Variants in CFAP299 observed in about 807,000 individuals in gnomAD.
CFAP299 encodes the protein cilia and flagella associated protein 299.
CFAP299 carries 21 observed loss-of-function variants against 27.0 expected under a neutral mutation model. The observed-to-expected ratio is 0.78, with a 90% CI of 0.55 to 1.12. CFAP299 has a LOEUF of 1.12. Ranked by LOEUF, CFAP299 falls within the 50% of genes most tolerant of loss-of-function variation. CFAP299 has a pLI of 0.00. For synonymous variants in CFAP299, 104 were observed against 98.1 expected (o/e 1.06, Z -0.36); for missense variants, 310 against 276.6 (o/e 1.12, Z -0.86).
chr4:80,698,674 T>G (rs750511048), intron 3 of CFAP299, among the ~76,000 whole-genome samples: 9 of 152,224 alleles, frequency 5.9e-5, no homozygotes, highest in African/African-American at 1.2e-4. Context: ...GAAAGAAGTT[T>G]AATTGACTCA....
chr4:80,411,183 CATGGAG>C (rs1209761973), intron 2 of CFAP299, among the ~76,000 whole-genome samples: 2 of 152,076 alleles, frequency 1.3e-5, no homozygotes. Flanking sequence ...TCAAATAAGC[CATGGAG>C]TTTGAGCATC....
At chr4:80,397,802 C>G (rs1366127487) in intron 2 of CFAP299, among the ~76,000 whole-genome samples, 1 of 152,164 alleles carries the variant, frequency 6.6e-6, no homozygotes, top group African/African-American at 2.4e-5. Context: ...TTTCTCACCA[C>G]TCGTATTCAA....
intron 3 of CFAP299, among the ~76,000 whole-genome samples, chr4:80,726,062 A>C (rs1297245122): frequency 5.9e-5 from 9 of 152,198 alleles, no homozygotes; most frequent in Admixed American, 1.3e-4. Flanking sequence ...GGTCATGGTC[A>C]ACAATCTATT....
intron 3 of CFAP299, among the ~76,000 whole-genome samples, chr4:80,596,306 C>T (rs969241315): frequency 2.0e-5 from 3 of 152,136 alleles, no homozygotes; most frequent in Non-Finnish European, 4.4e-5. Context: ...CATTGATAGG[C>T]AGCTCATTCC....
At chr4:80,411,683 T>G (rs1726730447) in intron 2 of CFAP299, among the ~76,000 whole-genome samples, 1 of 152,114 alleles carries the variant, frequency 6.6e-6, no homozygotes. Context: ...GTTTTGTTGT[T>G]ATGATATTTT....
chr4:80,727,160 GA>G (rs960698811), intron 3 of CFAP299, among the ~76,000 whole-genome samples: 16 of 151,802 alleles, frequency 1.1e-4, no homozygotes. Context: ...ATCTTTTCTG[GA>G]AAAAATATTT....
intron 2 of CFAP299, among the ~76,000 whole-genome samples, chr4:80,578,280 A>G (rs776062888): frequency 2.0e-5 from 3 of 152,216 alleles, no homozygotes; most frequent in Non-Finnish European, 4.4e-5. Flanking sequence ...AATAAGAGTA[A>G]TGCATGTTAA....
intron 2 of CFAP299, among the ~76,000 whole-genome samples, chr4:80,363,269 C>T (rs189972044): frequency 7.8e-4 from 118 of 152,220 alleles, no homozygotes; most frequent in African/African-American, 2.7e-3. Context: ...TTTTTCTAAG[C>T]ATTAATTCAT....
At chr4:80,631,859 G>GTCCCC (rs34615962) in intron 3 of CFAP299, among the ~76,000 whole-genome samples, 1 of 21,470 alleles carries the variant, frequency 4.7e-5, no homozygotes, top group Non-Finnish European at 9.2e-5. Context: ...GAATATTTGT[G>GTCCCC]CCCCACCCCC....
At position 80,460,031 on chromosome 4, in the gene CFAP299, G is replaced by A. The variant is rs1729360434; in HGVS notation, c.242+97147G>A. Among the ~76,000 whole-genome samples the A allele has an allele frequency of 2.0e-5, 3 of 152,130 alleles. No individual in the cohort carries two copies. The South Asian group carries it at 6.2e-4, about 32-fold the overall frequency. Reference sequence around the variant, plus strand: ...GTTGATGTTTTTATACCATCTTGAGGTTACAGAAAGAATAGGGGCTTGAAG... The same window carrying A: ...GTTGATGTTTTTATACCATCTTGAGATTACAGAAAGAATAGGGGCTTGAAG... On this transcript the variant is annotated intron_variant, in intron 2 of 5. Coordinates refer to ENST00000358105, the MANE Select transcript of CFAP299 (RefSeq NM_152770.3).
intron 2 of CFAP299, among the ~76,000 whole-genome samples, chr4:80,427,502 C>T (rs906149246): frequency 7.2e-5 from 11 of 152,260 alleles, no homozygotes; most frequent in East Asian, 1.9e-4. Context: ...CTGAATCTCA[C>T]GGACCTTTTC....
intron 2 of CFAP299, among the ~76,000 whole-genome samples, chr4:80,471,483 A>G (rs1283006549): frequency 2.0e-5 from 3 of 150,468 alleles, no homozygotes; most frequent in African/African-American, 7.4e-5. Context: ...ATTTCGTGCA[A>G]CCATAAAAAG....
chr4:80,435,946 T>C (rs1335170713), intron 2 of CFAP299, among the ~76,000 whole-genome samples: 1 of 152,180 alleles, frequency 6.6e-6, no homozygotes, highest in Non-Finnish European at 1.5e-5. Flanking sequence ...ATATCTATCT[T>C]TAATGTAAAG....
At chr4:80,407,217 G>C (rs191192568) in intron 2 of CFAP299, among the ~76,000 whole-genome samples, 1 of 151,984 alleles carries the variant, frequency 6.6e-6, no homozygotes, top group East Asian at 1.9e-4. Context: ...GTATAGCCCT[G>C]ACTACTTCAA....
intron 3 of CFAP299, among the ~76,000 whole-genome samples, chr4:80,758,565 A>G (rs1396178817): frequency 1.3e-5 from 2 of 152,032 alleles, no homozygotes; most frequent in Non-Finnish European, 2.9e-5. Flanking sequence ...CTCGCCAGAG[A>G]CCCACTCTCT....
At chr4:80,952,478 T>A (rs1250458956) in intron 5 of CFAP299, among the ~76,000 whole-genome samples, 1 of 152,112 alleles carries the variant, frequency 6.6e-6, no homozygotes, top group Non-Finnish European at 1.5e-5. Flanking sequence ...GAGTAAATGG[T>A]GATTTTTTCC....
chr4:80,631,864 ACCC>A lies in CFAP299; in HGVS notation c.333+48688_333+48690del, dbSNP rs70944798. Among the ~76,000 whole-genome samples, 27 of 30,036 alleles carry A rather than the reference ACCC, an allele frequency of 9.0e-4. 1 individual carries two copies. Among genetic ancestry groups the A allele is most frequent in the African/African-American group, 2.0e-3 (22 of 10,794 alleles). The allele number at this position is 30,036 out of a possible 152,430, so 19.7% of individuals were successfully genotyped here. ...CTATCAGTCTGAATATTTGTGCCCC[ACCC>A]CCCCCCAACCAAATTCATATGTTAA... On this transcript the variant is annotated intron_variant, in intron 3 of 5. Transcript: ENST00000358105.
chr4:80,791,521 T>G (rs951470408), intron 3 of CFAP299, among the ~76,000 whole-genome samples: 2 of 152,050 alleles, frequency 1.3e-5, no homozygotes, highest in Non-Finnish European at 2.9e-5. Context: ...TACAGCACAT[T>G]TTAAGAAATT....
chr4:80,937,112 T>C (rs1049160773), intron 4 of CFAP299, among the ~76,000 whole-genome samples: 14 of 151,996 alleles, frequency 9.2e-5, no homozygotes, highest in African/African-American at 3.4e-4. Flanking sequence ...ATATTTGCTT[T>C]ATACATTTAG....
Sources: gnomAD v4.1 joint callset for allele counts (sites outside exome capture counted in the v4.1 genomes callset) on GRCh38, gnomAD v4.1.1 for gene constraint, MANE v1.5 for transcripts, NCBI Gene and HGNC (gene_info 2026-07-23, HGNC 2026-07-21) for gene names.